The following TBCE variants were observed in gnomAD, a reference collection of about 807,000 sequenced individuals.
TBCE encodes the protein tubulin-specific chaperone E.
Under a neutral mutation model 77.0 loss-of-function variants are expected in TBCE, and 53 were observed. That is an observed-to-expected ratio of 0.69 (90% CI 0.55 to 0.87). The LOEUF (loss-of-function observed/expected upper bound fraction) is 0.87, where lower values mean the gene tolerates loss of function less well. Ranked by LOEUF, TBCE falls within the 40% of genes least tolerant of loss-of-function variation. The pLI, the probability that TBCE is intolerant of heterozygous loss-of-function variation, is 0.00. For missense variants in TBCE, 624 were observed against 622.4 expected, an observed-to-expected ratio of 1.00 and a Z score of -0.03; for synonymous variants, 235 against 241.3, an observed-to-expected ratio of 0.97 and a Z score of 0.24.
At chr1:235,442,782 A>G in intron 14 of TBCE, 70 bp from the exon 15 acceptor site, 5 of 1,457,916 alleles carry the variant, frequency 3.4e-6, no homozygotes, top group Non-Finnish European at 4.8e-6. Flanking sequence ...CCATCTGTTG[A>G]TGTGTGTGGA....
chr1:235,373,608 T>C (rs1225813386), intron 1 of TBCE, among the ~76,000 whole-genome samples: 2 of 147,708 alleles, frequency 1.4e-5, no homozygotes, highest in East Asian at 4.0e-4. Context: ...CATGCCCGGC[T>C]AATTTTTGTA....
intron 2 of TBCE, 110 bp from the exon 3 acceptor site, chr1:235,401,393 T>C (rs1337845139): frequency 5.8e-6 from 5 of 855,318 alleles, no homozygotes; most frequent in Non-Finnish European, 9.9e-6. Context: ...CCTCCCCAAG[T>C]GGTATCTGTG....
chr1:235,384,988 T>G (rs1403552137), intron 2 of TBCE, among the ~76,000 whole-genome samples: 1 of 152,102 alleles, frequency 6.6e-6, no homozygotes, highest in Non-Finnish European at 1.5e-5. Flanking sequence ...CTGCTTTGAA[T>G]GTTGTCCCAG....
chr1:235,416,210 G>C (rs962956704), intron 4 of TBCE: 2 of 147,190 alleles, frequency 1.4e-5, no homozygotes, highest in African/African-American at 5.0e-5. Flanking sequence ...TAACTATCAT[G>C]AACAGTTTTT....
chr1:235,421,308 G>T (rs572226717), intron 5 of TBCE, among the ~76,000 whole-genome samples: 1 of 152,152 alleles, frequency 6.6e-6, no homozygotes, highest in African/African-American at 2.4e-5. Flanking sequence ...TCAGCTACTC[G>T]GGAGGCTGAG....
chr1:235,379,567 G>T (rs1176075533), intron 1 of TBCE, among the ~76,000 whole-genome samples: 1 of 151,484 alleles, frequency 6.6e-6, no homozygotes. Context: ...CATTTCTAGC[G>T]CAAATGTATC....
intron 3 of TBCE, among the ~76,000 whole-genome samples, chr1:235,403,299 C>T (rs1372054108): frequency 6.6e-6 from 1 of 152,016 alleles, no homozygotes; most frequent in African/African-American, 2.4e-5. Context: ...CTCCACCTCC[C>T]TGGTTCAAGC....
At chr1:235,369,263 C>G (rs1310852053) in intron 1 of TBCE, among the ~76,000 whole-genome samples, 1 of 151,698 alleles carries the variant, frequency 6.6e-6, no homozygotes, top group African/African-American at 2.4e-5. Flanking sequence ...AATCCCAGCA[C>G]TTTGGGAGGC....
intron 2 of TBCE, among the ~76,000 whole-genome samples, chr1:235,392,309 C>T (rs533636143): frequency 2.6e-5 from 4 of 151,606 alleles, no homozygotes; most frequent in Admixed American, 6.6e-5. Context: ...GAACCGTGAT[C>T]GTGCCACTGC....
intron 3 of TBCE, among the ~76,000 whole-genome samples, chr1:235,412,769 A>T (rs1204260834): frequency 1.3e-5 from 2 of 152,070 alleles, no homozygotes; most frequent in African/African-American, 4.8e-5. Context: ...AACAAAATTT[A>T]TCACAAATAT....
At chr1:235,442,710 TAGAA>T (rs1406018917) in intron 14 of TBCE, 138 bp from the exon 15 acceptor site, 13 of 736,704 alleles carry the variant, frequency 1.8e-5, no homozygotes, top group East Asian at 2.7e-5. Flanking sequence ...GAAGGATTAA[TAGAA>T]AGAATTTTAA....
intron 3 of TBCE, among the ~76,000 whole-genome samples, chr1:235,407,134 C>CTTTTTT (rs1233356015): frequency 7.2e-6 from 1 of 138,618 alleles, no homozygotes; most frequent in Non-Finnish European, 1.6e-5. Flanking sequence ...TGGCCCCCGC[C>CTTTTTT]TTTTTTTTTT....
intron 3 of TBCE, among the ~76,000 whole-genome samples, chr1:235,404,557 C>CT (rs1679306750): frequency 6.6e-6 from 1 of 152,154 alleles, no homozygotes; most frequent in Admixed American, 6.5e-5. Flanking sequence ...TTGTACCCTA[C>CT]TGTAGACTTT....
At chr1:235,376,556 A>AG (rs1317192065) in intron 1 of TBCE, among the ~76,000 whole-genome samples, 1 of 152,136 alleles carries the variant, frequency 6.6e-6, no homozygotes, top group Non-Finnish European at 1.5e-5. Flanking sequence ...CCCTCTTCTT[A>AG]GGGACTAGAG....
In TBCE at chr1:235,443,187, T is replaced by C. The variant is rs921625689; in HGVS notation, c.1399+276T>C. On this transcript the variant is annotated intron_variant, in intron 15 of 16. Transcript: ENST00000642610. ...AATTACACACACACACACACACACA[T>C]ATATATATACACACACACACACAAT... Among the ~76,000 whole-genome samples the C allele has an allele frequency of 1.6e-3, 223 of 141,940 alleles. 1 individual carries two copies. Among genetic ancestry groups the C allele is most frequent in the African/African-American group, 5.9e-3 (203 of 34,606 alleles). The allele number at this position is 141,940 out of a possible 152,430, so 93.1% of individuals were successfully genotyped here.
rs1681631563 is a variant in TBCE, at chr1:235,438,815, C to A, written c.1163C>A (p.Ala388Asp). The A allele has an allele frequency of 6.2e-7, 1 of 1,613,932 alleles. No homozygotes were observed. Among genetic ancestry groups the A allele is most frequent in the South Asian group, 1.1e-5 (1 of 91,084 alleles). The stretch of plus-strand genomic sequence containing the variant: ...AGAGCTGAGCTTGACTACCGAAAAG[C>A]TTTTGGAAATGAGTGGAAACAGGCT... ...RRRAELDYRK[A>D]FGNEWKQAGG... Residue 388 changes from alanine to aspartate, a missense_variant, in exon 13 of 17, where the codon GCT becomes GAT. Ala to Asp is a moderately radical substitution (Grantham distance 126). Transcript: ENST00000642610.
At chr1:235,369,185 C>T (rs1171497119) in intron 1 of TBCE, among the ~76,000 whole-genome samples, 1 of 152,122 alleles carries the variant, frequency 6.6e-6, no homozygotes, top group Non-Finnish European at 1.5e-5. Flanking sequence ...CTCAAAAATC[C>T]TCCAAGGACT....
Position 235,414,496 on chromosome 1 carries a change from T to G in TBCE, c.249T>G (p.Thr83=). The G allele has an allele frequency of 6.2e-7, 1 of 1,613,958 alleles. No homozygotes were observed. Among genetic ancestry groups the G allele is most frequent in the Non-Finnish European group, 8.5e-7 (1 of 1,180,000 alleles). ...TAAATTTTGGAACAGACTTTCTTACTGCAATTAAGAACCGCTATGTGTTAG... is the reference window on the plus strand; with the variant it reads ...TAAATTTTGGAACAGACTTTCTTACGGCAATTAAGAACCGCTATGTGTTAG... The part of the protein sequence containing the change: ...NKVNFGTDFL[T]AIKNRYVLED... The change falls in exon 4 of 17, where the codon ACT becomes ACG. Residue 83 remains threonine, a synonymous_variant. Coordinates refer to ENST00000642610, the MANE Select transcript of TBCE (RefSeq NM_003193.5).
intron 1 of TBCE, among the ~76,000 whole-genome samples, chr1:235,367,897 A>C (rs1204027103): frequency 6.6e-6 from 1 of 152,134 alleles, no homozygotes; most frequent in Non-Finnish European, 1.5e-5. Context: ...GAGAGCACTT[A>C]AAGTAACTGT....
Sources: gnomAD v4.1 joint callset for allele counts (sites outside exome capture counted in the v4.1 genomes callset) on GRCh38, gnomAD v4.1.1 for gene constraint, MANE v1.5 for transcripts, NCBI Gene and HGNC (gene_info 2026-07-23, HGNC 2026-07-21) for gene names.